The following WIPF1 variants were observed in gnomAD, a reference collection of about 807,000 sequenced individuals.
The protein encoded by WIPF1 is WAS/WASL-interacting protein family member 1.
A neutral mutation model predicts 35.4 loss-of-function variants in WIPF1; 13 were observed. The observed-to-expected ratio is 0.37, with a 90% CI of 0.24 to 0.58. The LOEUF is 0.58. WIPF1 is among the 20% of genes least tolerant of loss of function. WIPF1 has a pLI of 0.74. For synonymous variants in WIPF1, 267 were observed against 266.3 expected (o/e 1.00, Z -0.02); for missense variants, 591 against 667.0 (o/e 0.89, Z 1.25).
chr2:174,565,724 A>G (rs1217516623), intron 7 of WIPF1, among the ~76,000 whole-genome samples: 1 of 152,182 alleles, frequency 6.6e-6, no homozygotes, highest in East Asian at 1.9e-4. Flanking sequence ...GAGTGGGGCC[A>G]TCGCTAGGGG....
At chr2:174,616,331 G>T (rs1686503948) in intron 1 of WIPF1, among the ~76,000 whole-genome samples, 1 of 152,164 alleles carries the variant, frequency 6.6e-6, no homozygotes, top group South Asian at 2.1e-4. Context: ...TACACTGAAA[G>T]AGAATCATGT....
At chr2:174,672,725 G>A (rs182376592) in intron 1 of WIPF1, among the ~76,000 whole-genome samples, 1 of 152,290 alleles carries the variant, frequency 6.6e-6, no homozygotes, top group East Asian at 1.9e-4. Context: ...CAGACATGCT[G>A]GCCACCATCT....
intron 1 of WIPF1, among the ~76,000 whole-genome samples, chr2:174,647,037 C>A (rs549880694): frequency 1.3e-5 from 2 of 152,224 alleles, no homozygotes; most frequent in South Asian, 4.1e-4. Context: ...GAAAGGAAAT[C>A]CATTAAGGGT....
At chr2:174,647,499 G>A (rs1226433685) in intron 1 of WIPF1, among the ~76,000 whole-genome samples, 1 of 152,020 alleles carries the variant, frequency 6.6e-6, no homozygotes, top group Non-Finnish European at 1.5e-5. Flanking sequence ...TCAGCCTCCT[G>A]AGTAGCTGGG....
At chr2:174,627,465 C>T (rs971008356) in intron 1 of WIPF1, among the ~76,000 whole-genome samples, 1 of 148,108 alleles carries the variant, frequency 6.8e-6, no homozygotes, top group African/African-American at 2.6e-5. Context: ...TTCTTCCTTT[C>T]TCTTTCTTTC....
chr2:174,661,245 G>A (rs557033015), intron 1 of WIPF1, among the ~76,000 whole-genome samples: 1 of 152,334 alleles, frequency 6.6e-6, no homozygotes, highest in East Asian at 1.9e-4. Context: ...GCTGGGTGGA[G>A]ATGGGATTGA....
In WIPF1 at chr2:174,560,526, A is replaced by T. The variant is rs1684458479; in HGVS notation, c.*2021T>A. ...TTCACTGTTGAAATCAGATAAAAGA[A>T]TCCCAAATAAATGATGCTGCTAAAT... On this transcript the variant is annotated 3_prime_UTR_variant, in exon 8 of 8. Coordinates refer to ENST00000679041, the MANE Select transcript of WIPF1 (RefSeq NM_001375834.1). 6.6e-6 allele frequency: 1 copy of T among 152,630 alleles called. No individual in the cohort carries two copies. Among genetic ancestry groups the T allele is most frequent in the Admixed American group, 6.5e-5 (1 of 15,284 alleles). 9.5% of individuals were successfully genotyped at this position (152,630 alleles called of 1,614,324 possible). A position where few individuals can be genotyped will look rare whatever the true frequency, so the allele number is the denominator to read the frequency against.
chr2:174,646,201 T>C (rs1687406532), intron 1 of WIPF1, among the ~76,000 whole-genome samples: 1 of 152,232 alleles, frequency 6.6e-6, no homozygotes, highest in African/African-American at 2.4e-5. Context: ...TCCTCACATA[T>C]ATGTAACACG....
At chr2:174,629,156 T>C (rs1686936641) in intron 1 of WIPF1, among the ~76,000 whole-genome samples, 1 of 152,130 alleles carries the variant, frequency 6.6e-6, no homozygotes, top group South Asian at 2.1e-4. Flanking sequence ...GAGACTGCAG[T>C]GTGCCATGAC....
chr2:174,682,552 A>C lies in WIPF1; in HGVS notation c.-39+222T>G, dbSNP rs532320291. Among the ~76,000 whole-genome samples, 3 of 151,644 alleles carry C rather than the reference A, an allele frequency of 2.0e-5. No individual in the cohort carries two copies. In the East Asian group the frequency reaches 5.9e-4, roughly 30 times the overall value. Reference sequence around the variant, plus strand: ...CCCCGGGCCATCAGCGGGCAGCAGAACGCGCGGGCCGCTGGCCTGGAATTG... The same window carrying C: ...CCCCGGGCCATCAGCGGGCAGCAGACCGCGCGGGCCGCTGGCCTGGAATTG... On this transcript the variant is annotated intron_variant, in intron 1 of 8. Coordinates refer to the WIPF1 transcript ENST00000272746.
At chr2:174,579,197 A>G (rs879417068) in intron 3 of WIPF1, among the ~76,000 whole-genome samples, 4 of 151,970 alleles carry the variant, frequency 2.6e-5, no homozygotes, top group Non-Finnish European at 5.9e-5. Flanking sequence ...TTGTATTTTT[A>G]ATAGAGATGG....
intron 1 of WIPF1, among the ~76,000 whole-genome samples, chr2:174,638,559 A>G (rs1422691018): frequency 6.6e-6 from 1 of 151,344 alleles, no homozygotes; most frequent in African/African-American, 2.4e-5. Flanking sequence ...TCCCTCCCCA[A>G]TCTCTAGTAA....
intron 1 of WIPF1, among the ~76,000 whole-genome samples, chr2:174,678,820 A>G (rs552672638): frequency 2.0e-5 from 3 of 152,332 alleles, no homozygotes; most frequent in Non-Finnish European, 4.4e-5. Context: ...GCCCCTCAAT[A>G]CTAAGATTCT....
chr2:174,663,481 G>A (rs4129829), intron 1 of WIPF1, among the ~76,000 whole-genome samples: 9,076 of 71,776 alleles, frequency 0.13, 803 homozygotes, highest in African/African-American at 0.34. Context: ...CCCCCACCCC[G>A]CCGCCCCCTG....
intron 1 of WIPF1, among the ~76,000 whole-genome samples, chr2:174,663,339 T>C (rs1335380020): frequency 2.6e-5 from 4 of 152,200 alleles, no homozygotes; most frequent in African/African-American, 9.7e-5. Flanking sequence ...AAGGAACCAA[T>C]AAAACATTTT....
intron 3 of WIPF1, 35 bp from the exon 4 acceptor site, chr2:174,575,415 C>A: frequency 6.4e-7 from 1 of 1,565,410 alleles, no homozygotes. Context: ...GACTATGCCC[C>A]CTGGTCTGGC....
At chr2:174,635,763 G>T (rs562262477) in intron 1 of WIPF1, among the ~76,000 whole-genome samples, 17 of 150,930 alleles carry the variant, frequency 1.1e-4, no homozygotes, top group African/African-American at 3.9e-4. Context: ...GGATTTTTTT[G>T]TTTGTTTTTT....
chr2:174,625,609 T>C (rs934179990), intron 1 of WIPF1: 1 of 152,176 alleles, frequency 6.6e-6, no homozygotes, highest in African/African-American at 2.4e-5. Flanking sequence ...AATGAGATAA[T>C]TTAAAGACAA....
intron 3 of WIPF1, among the ~76,000 whole-genome samples, chr2:174,576,352 A>C (rs1027221216): frequency 1.3e-5 from 2 of 152,050 alleles, no homozygotes; most frequent in African/African-American, 4.8e-5. Context: ...AAGCAGTATT[A>C]AGCCTGCTTT....
Sources: allele counts gnomAD v4.1 joint callset (sites outside exome capture counted in the v4.1 genomes callset), GRCh38; gene constraint gnomAD v4.1.1; transcripts MANE v1.5; gene names NCBI Gene and HGNC (gene_info 2026-07-23, HGNC 2026-07-21).